FRAS1: variants seen among roughly 807,000 people sequenced by gnomAD.
FRAS1 encodes the protein Fraser extracellular matrix complex subunit 1.
A neutral mutation model predicts 435.2 loss-of-function variants in FRAS1; 290 were observed. The observed-to-expected ratio is 0.67, with a 90% CI of 0.61 to 0.73. The LOEUF is 0.73. FRAS1 is among the 30% of genes least tolerant of loss of function. The pLI is 0.00. For missense variants in FRAS1, 4,860 were observed against 5,001.5 expected, an observed-to-expected ratio of 0.97 and a Z score of 0.85; for synonymous variants, 1,800 against 1,851.0, an observed-to-expected ratio of 0.97 and a Z score of 0.71.
At position 78,477,875 on chromosome 4, in the gene FRAS1, G is replaced by A. The variant is rs200710024; in HGVS notation, c.7912G>A (p.Val2638Met). 242 of 1,613,420 alleles carry A rather than the reference G, an allele frequency of 1.5e-4. 1 individual carries two copies. Among genetic ancestry groups the A allele is most frequent in the Non-Finnish European group, 1.7e-4 (200 of 1,179,718 alleles). Residue 2638 changes from valine to methionine, a missense_variant, in exon 55 of 74, where the codon GTG becomes ATG. By Grantham distance (21) the Val-to-Met change is conservative (BLOSUM62 1). Coordinates refer to ENST00000512123, the MANE Select transcript of FRAS1 (RefSeq NM_025074.7). ...CACCATTGTCATCAACGATGATGACGTGTTTGAAAATGTTGAGAGTTTCAC... is the reference window on the plus strand; with the variant it reads ...CACCATTGTCATCAACGATGATGACATGTTTGAAAATGTTGAGAGTTTCAC... The part of the protein sequence containing the change: ...SCTIVINDDD[V>M]FENVESFTVE...
intron 20 of FRAS1, among the ~76,000 whole-genome samples, chr4:78,339,582 G>A (rs1253993345): frequency 6.6e-6 from 1 of 152,254 alleles, no homozygotes; most frequent in African/African-American, 2.4e-5. Flanking sequence ...GACAGAGGGA[G>A]ATCTGGTGGG....
chr4:78,480,037 G>T (rs1719964964), intron 56 of FRAS1, among the ~76,000 whole-genome samples: 1 of 152,258 alleles, frequency 6.6e-6, no homozygotes, highest in East Asian at 1.9e-4. Context: ...GATAAATGGG[G>T]TGTTCATCAC....
Position 78,057,693 on chromosome 4 carries a change from C to A in FRAS1, c.-317C>A. 1 of 419,436 alleles carries A rather than the reference C, an allele frequency of 2.4e-6. No individual in the cohort carries two copies. The allele number at this position is 419,436 out of a possible 1,614,324, so 26.0% of individuals were successfully genotyped here. A position where few individuals can be genotyped will look rare whatever the true frequency, so the allele number is the denominator to read the frequency against. On this transcript the variant is annotated 5_prime_UTR_variant, in exon 1 of 74. Coordinates refer to ENST00000512123, the MANE Select transcript of FRAS1 (RefSeq NM_025074.7). This position sits in a 1 kb window ranked among gnomAD's most constrained non-coding sequence, Gnocchi z 4.2. ...CCATCGGCCAGTGACCAGCAACTTT[C>A]CGGCGAGATTTTGACGCGGAGAACT...
chr4:78,417,688 T>A (rs1264307830), intron 32 of FRAS1, among the ~76,000 whole-genome samples: 3 of 152,158 alleles, frequency 2.0e-5, no homozygotes, highest in Non-Finnish European at 4.4e-5. Context: ...AAATACGCCT[T>A]GGGGACAATT....
intron 32 of FRAS1, among the ~76,000 whole-genome samples, chr4:78,415,129 TC>T (rs1733498863): frequency 6.6e-6 from 1 of 152,222 alleles, no homozygotes; most frequent in African/African-American, 2.4e-5. Context: ...GTCCATTGTA[TC>T]ATTCTTATGC....
At chr4:78,409,103 AGCGAGACCCTCTCT>A in intron 31 of FRAS1, among the ~76,000 whole-genome samples, 1 of 143,518 alleles carries the variant, frequency 7.0e-6, no homozygotes. Context: ...TGGATGACAG[AGCGAGACCCTCTCT>A]CAAAAAAAAA....
intron 18 of FRAS1, among the ~76,000 whole-genome samples, chr4:78,330,206 A>G (rs887579357): frequency 6.6e-6 from 1 of 152,202 alleles, no homozygotes; most frequent in Non-Finnish European, 1.5e-5. Flanking sequence ...ATCTCTAAAC[A>G]TAAATTGTGA....
intron 22 of FRAS1, among the ~76,000 whole-genome samples, chr4:78,367,327 G>A (rs150860011): frequency 7.5e-4 from 114 of 152,088 alleles, no homozygotes; most frequent in Admixed American, 1.6e-3. Context: ...GCTTGAGCCC[G>A]GGAGGTGGAG....
At chr4:78,486,240 T>G (rs1314029566) in intron 58 of FRAS1, among the ~76,000 whole-genome samples, 1 of 152,206 alleles carries the variant, frequency 6.6e-6, no homozygotes, top group Non-Finnish European at 1.5e-5. Flanking sequence ...TTACATTCAC[T>G]TCATCAGTTA....
intron 55 of FRAS1, among the ~76,000 whole-genome samples, chr4:78,478,697 A>C (rs999422019): frequency 6.6e-6 from 1 of 152,246 alleles, no homozygotes; most frequent in Non-Finnish European, 1.5e-5. Context: ...CAAAGGCACA[A>C]CAAGACTGTA....
At chr4:78,183,585 T>G (rs958202308) in intron 2 of FRAS1, among the ~76,000 whole-genome samples, 3 of 152,208 alleles carry the variant, frequency 2.0e-5, no homozygotes, top group African/African-American at 7.2e-5. Context: ...CCTGTCAAAT[T>G]ATCTCTTTAG....
chr4:78,385,883 T>TAA (rs34277639), intron 28 of FRAS1, among the ~76,000 whole-genome samples: 28 of 111,866 alleles, frequency 2.5e-4, no homozygotes, highest in African/African-American at 6.2e-4. Flanking sequence ...AGACTCTGTC[T>TAA]AAAAAAAAAA....
chr4:78,147,835 G>T (rs982836775), intron 2 of FRAS1, among the ~76,000 whole-genome samples: 1 of 152,188 alleles, frequency 6.6e-6, no homozygotes, highest in Non-Finnish European at 1.5e-5. Context: ...GGGTGAGAGT[G>T]TGTCCAAGAA....
intron 25 of FRAS1, 90 bp downstream of exon 25, chr4:78,374,341 A>C: frequency 3.8e-6 from 5 of 1,305,602 alleles, no homozygotes; most frequent in Non-Finnish European, 5.2e-6. Context: ...AGAATACTTA[A>C]ATTAGAAAGC....
In FRAS1 at chr4:78,309,428, G is replaced by A. The variant is rs534539210; in HGVS notation, c.1678+1219G>A. 2.6e-5 allele frequency among the ~76,000 whole-genome samples: 4 copies of A among 152,326 alleles called. No homozygotes were observed. The East Asian group carries it at 5.8e-4, about 22-fold the overall frequency. On this transcript the variant is annotated intron_variant, in intron 15 of 73. Coordinates refer to ENST00000512123, the MANE Select transcript of FRAS1 (RefSeq NM_025074.7). Reference sequence around the variant, plus strand: ...CACTTAGGATACTGCCTGGGACATAGTAAGCATTCTATCAGTGTTTGGTGT... The same window carrying A: ...CACTTAGGATACTGCCTGGGACATAATAAGCATTCTATCAGTGTTTGGTGT...
rs114484374 is a variant in FRAS1 at position 78,367,966 on chromosome 4, A to G, written c.2723-1872A>G. Among the ~76,000 whole-genome samples, 1,072 of 152,304 alleles carry G rather than the reference A, an allele frequency of 7.0e-3. 16 individuals carry two copies. Among genetic ancestry groups the G allele is most frequent in the African/African-American group, 0.024 (1,000 of 41,550 alleles). On this transcript the variant is annotated intron_variant, in intron 22 of 73. Transcript: ENST00000512123. ...TAATTAATGTGATACTCTGCTGTGG[A>G]CCTATTTTTATCAATTATAAAGATT...
Position 78,508,789 on chromosome 4 carries a change from A to C in FRAS1, c.9563A>C (p.Lys3188Thr). ...GAAGTTACCAAGGAAGGAGTCAAGA[A>C]ATCCCCCTCCCCAGGCTACCCACTG... ...VEEVTKEGVK[K>T]SPSPGYPLVC... Residue 3188 changes from lysine to threonine, a missense_variant, in exon 63 of 74, where the codon AAA becomes ACA. Physicochemically the swap from Lys to Thr is moderately conservative, Grantham distance 78 (BLOSUM62 -1). Transcript: ENST00000512123. 1 of 1,613,710 alleles carries C rather than the reference A, an allele frequency of 6.2e-7. No individual in the cohort carries two copies. The highest frequency in any genetic ancestry group is 8.5e-7 in the Non-Finnish European group (1 of 1,179,796).
intron 47 of FRAS1, among the ~76,000 whole-genome samples, chr4:78,456,138 C>CTTT (rs753676442): frequency 1.7e-4 from 9 of 51,478 alleles, no homozygotes; most frequent in Non-Finnish European, 2.5e-4. Flanking sequence ...ACACATGTCA[C>CTTT]TTTTTTTTTT....
At chr4:78,404,729 T>C (rs1229250736) in intron 30 of FRAS1, among the ~76,000 whole-genome samples, 1 of 152,204 alleles carries the variant, frequency 6.6e-6, no homozygotes, top group Non-Finnish European at 1.5e-5. Flanking sequence ...CAGTCTCACC[T>C]CTGTTGTCTT....
Sources: allele counts gnomAD v4.1 joint callset (sites outside exome capture counted in the v4.1 genomes callset), GRCh38; gene constraint gnomAD v4.1.1; non-coding constraint Gnocchi (gnomAD v3.1); transcripts MANE v1.5; gene names NCBI Gene and HGNC (gene_info 2026-07-23, HGNC 2026-07-21).